The following GALNT17 variants were observed in gnomAD, a reference collection of about 807,000 sequenced individuals.
The protein encoded by GALNT17 is UDP-GalNAc:polypeptide N-acetylgalactosaminyltransferase-like 3.
In GALNT17, 29 loss-of-function variants were observed where a neutral mutation model predicts 63.7. The ratio of observed to expected loss-of-function variants is 0.46; its 90% confidence interval spans 0.34 to 0.62. The LOEUF is 0.62. Ranked by LOEUF, GALNT17 falls within the 20% of genes least tolerant of loss-of-function variation. The probability of loss-of-function intolerance (pLI) is 0.01; values close to 1 mark genes in which losing one functional copy is unlikely to be tolerated. For missense variants in GALNT17, 603 were observed against 799.6 expected (o/e 0.75, Z 2.97); for synonymous variants, 305 against 318.3 (o/e 0.96, Z 0.45).
chr7:71,320,825 C>T (rs1356570676), intron 1 of GALNT17, among the ~76,000 whole-genome samples: 1 of 152,056 alleles, frequency 6.6e-6, no homozygotes, highest in African/African-American at 2.4e-5. Flanking sequence ...CTTCCTTATC[C>T]TTCTGATTTC....
At chr7:71,627,355 G>A (rs1338020745) in intron 6 of GALNT17, among the ~76,000 whole-genome samples, 4 of 152,186 alleles carry the variant, frequency 2.6e-5, no homozygotes, top group Admixed American at 1.3e-4. Flanking sequence ...GGAGTTCGAG[G>A]CCACAGTGAC....
chr7:71,519,610 T>C (rs1788497344), intron 5 of GALNT17, among the ~76,000 whole-genome samples: 1 of 152,104 alleles, frequency 6.6e-6, no homozygotes. Context: ...ACTACAGGTG[T>C]GCACCACCAC....
chr7:71,513,135 G>A (rs755799739), intron 5 of GALNT17, among the ~76,000 whole-genome samples: 10 of 152,120 alleles, frequency 6.6e-5, no homozygotes, highest in Admixed American at 1.3e-4. Context: ...GGATTGGGCC[G>A]TTCCCTAGGA....
intron 5 of GALNT17, among the ~76,000 whole-genome samples, chr7:71,422,334 T>C (rs1402603138): frequency 6.6e-6 from 1 of 152,202 alleles, no homozygotes; most frequent in Non-Finnish European, 1.5e-5. Context: ...ATAAAGGCTT[T>C]TGTGATTACA....
chr7:71,163,673 C>T (rs1024973158), intron 1 of GALNT17, among the ~76,000 whole-genome samples: 1 of 151,910 alleles, frequency 6.6e-6, no homozygotes, highest in South Asian at 2.1e-4. Context: ...GTGCTGTCAC[C>T]GAAATGTTGA....
chr7:71,349,404 G>A (rs781727510), intron 2 of GALNT17, among the ~76,000 whole-genome samples: 1 of 152,174 alleles, frequency 6.6e-6, no homozygotes, highest in African/African-American at 2.4e-5. Context: ...TAATTTAGAA[G>A]AAATTCCGAT....
intron 6 of GALNT17, among the ~76,000 whole-genome samples, chr7:71,640,516 T>G (rs1041931689): frequency 4.6e-5 from 7 of 152,186 alleles, no homozygotes; most frequent in African/African-American, 1.7e-4. Context: ...AGGCTAGACA[T>G]TTTTATATTA....
intron 1 of GALNT17, among the ~76,000 whole-genome samples, chr7:71,295,683 C>G (rs552079847): frequency 6.6e-6 from 1 of 152,092 alleles, no homozygotes; most frequent in East Asian, 1.9e-4. Context: ...ACTGCAGCCT[C>G]AAATTCCTGG....
At chr7:71,514,943 C>A (rs1241618399) in intron 5 of GALNT17, among the ~76,000 whole-genome samples, 2 of 152,140 alleles carry the variant, frequency 1.3e-5, no homozygotes, top group Non-Finnish European at 2.9e-5. Context: ...CCATACTGTT[C>A]TTGTGATAGT....
At chr7:71,663,482 G>T (rs1288071790) in intron 6 of GALNT17, among the ~76,000 whole-genome samples, 1 of 152,048 alleles carries the variant, frequency 6.6e-6, no homozygotes, top group African/African-American at 2.4e-5. Flanking sequence ...CCAACATTTG[G>T]CCTCCTTGAC....
intron 5 of GALNT17, among the ~76,000 whole-genome samples, chr7:71,511,321 T>C (rs1788351823): frequency 6.6e-6 from 1 of 152,010 alleles, no homozygotes; most frequent in Non-Finnish European, 1.5e-5. Flanking sequence ...GCCTGGAGTG[T>C]GGGTAATAGG....
chr7:71,226,043 C>T (rs1378191244), intron 1 of GALNT17, among the ~76,000 whole-genome samples: 1 of 152,040 alleles, frequency 6.6e-6, no homozygotes, highest in Non-Finnish European at 1.5e-5. Context: ...TCATTTTGAC[C>T]TTTTGATGAC....
At chr7:71,534,480 T>C (rs1322565643) in intron 5 of GALNT17, among the ~76,000 whole-genome samples, 1 of 151,416 alleles carries the variant, frequency 6.6e-6, no homozygotes, top group Non-Finnish European at 1.5e-5. Context: ...GCGCCTGTAG[T>C]CCCAGCTACT....
At chr7:71,428,613 A>G (rs111321224) in intron 5 of GALNT17, among the ~76,000 whole-genome samples, 1 of 151,918 alleles carries the variant, frequency 6.6e-6, no homozygotes, top group Non-Finnish European at 1.5e-5. Flanking sequence ...TAATTTTTGT[A>G]TTTTTAGTAG....
At chr7:71,142,072 G>C (rs998458522) in intron 1 of GALNT17, among the ~76,000 whole-genome samples, 6 of 146,972 alleles carry the variant, frequency 4.1e-5, no homozygotes, top group African/African-American at 1.5e-4. Context: ...GTTTCACCAT[G>C]TTGGCCAGCC....
intron 1 of GALNT17, among the ~76,000 whole-genome samples, chr7:71,206,557 T>G (rs1233771688): frequency 6.6e-6 from 1 of 152,178 alleles, no homozygotes; most frequent in Admixed American, 6.5e-5. Flanking sequence ...AGAGATTTCC[T>G]CAAGGTAGTG....
chr7:71,213,279 A>G (rs987266407), intron 1 of GALNT17, among the ~76,000 whole-genome samples: 1 of 152,180 alleles, frequency 6.6e-6, no homozygotes, highest in African/African-American at 2.4e-5. Flanking sequence ...CCACCATGTA[A>G]GAAGTGGCTT....
At chr7:71,390,704 G>T (rs115764956) in intron 3 of GALNT17, among the ~76,000 whole-genome samples, 1 of 151,962 alleles carries the variant, frequency 6.6e-6, no homozygotes, top group African/African-American at 2.4e-5. Context: ...CTCTTCTCTC[G>T]AACTCCCTGT....
At chr7:71,372,356 G>T (rs1343919666) in intron 2 of GALNT17, among the ~76,000 whole-genome samples, 2 of 151,858 alleles carry the variant, frequency 1.3e-5, no homozygotes, top group East Asian at 3.9e-4. Flanking sequence ...GTAGAAACAG[G>T]GTTTTGCCAT....
Sources: allele counts gnomAD v4.1 joint callset (sites outside exome capture counted in the v4.1 genomes callset), GRCh38; gene constraint gnomAD v4.1.1; transcripts MANE v1.5; gene names NCBI Gene and HGNC (gene_info 2026-07-23, HGNC 2026-07-21).